Variants in CCDC146 observed in about 807,000 individuals in gnomAD.
CCDC146 encodes coiled-coil domain containing 146, also known as coiled-coil domain-containing protein 146.
Under a neutral mutation model 119.3 loss-of-function variants are expected in CCDC146, and 92 were observed. The observed-to-expected ratio is 0.77, with a 90% CI of 0.65 to 0.92. CCDC146 has a LOEUF of 0.92. Among genes scored for constraint, CCDC146 ranks in the 40% least tolerant of loss-of-function variants. The probability of loss-of-function intolerance (pLI) is 0.00; values close to 1 mark genes in which losing one functional copy is unlikely to be tolerated. For synonymous variants in CCDC146, 372 were observed against 371.8 expected (o/e 1.00, Z -0.01); for missense variants, 1,000 against 1,103.0 (o/e 0.91, Z 1.32).
At chr7:77,139,291 T>C (rs893897116) in intron 1 of CCDC146, among the ~76,000 whole-genome samples, 1 of 152,194 alleles carries the variant, frequency 6.6e-6, no homozygotes, top group Non-Finnish European at 1.5e-5. Flanking sequence ...TTCAGCTATA[T>C]GACATTCTGG....
chr7:77,145,511 G>T (rs915282830), intron 1 of CCDC146, among the ~76,000 whole-genome samples: 8 of 150,856 alleles, frequency 5.3e-5, no homozygotes, highest in Non-Finnish European at 1.0e-4. Flanking sequence ...TGTGATGTTA[G>T]GGTGTCAGTT....
chr7:77,194,421 ATC>A (rs1042548592), intron 2 of CCDC146: 1 of 152,064 alleles, frequency 6.6e-6, no homozygotes, highest in African/African-American at 2.4e-5. Flanking sequence ...AGCTTTTGAA[ATC>A]TACAATATTT....
In CCDC146 at chr7:77,278,772, T is replaced by C. The variant is rs1489063980; in HGVS notation, c.1461T>C (p.Val487=). The C allele has an allele frequency of 6.2e-7, 1 of 1,611,478 alleles. No homozygotes were observed. The highest frequency in any genetic ancestry group is 8.5e-7 in the Non-Finnish European group (1 of 1,178,840). ...TTCAGCAAAAATACACCAACATTGT[T>C]AAAGAAATGAAAGCAAAGGATCTTG... The part of the protein sequence containing the change: ...LKAQQKYTNI[V]KEMKAKDLEI... The change falls in exon 12 of 19, where the codon GTT becomes GTC. Residue 487 remains valine (V), a synonymous_variant. Coordinates refer to ENST00000285871, the MANE Select transcript of CCDC146 (RefSeq NM_020879.3).
intron 2 of CCDC146, among the ~76,000 whole-genome samples, chr7:77,232,494 ATC>A (rs1423870608): frequency 6.6e-6 from 1 of 152,192 alleles, no homozygotes; most frequent in Non-Finnish European, 1.5e-5. Context: ...CCCTTATGAT[ATC>A]TGTTTTTCTA....
chr7:77,293,189 G>A lies in CCDC146; in HGVS notation c.2653G>A (p.Glu885Lys). 1 of 1,613,872 alleles carries A rather than the reference G, an allele frequency of 6.2e-7. No homozygotes were observed. Among genetic ancestry groups the A allele is most frequent in the Non-Finnish European group, 8.5e-7 (1 of 1,179,988 alleles). Residue 885 changes from glutamate (E) to lysine (K), a missense_variant, in exon 18 of 19, where the codon GAA becomes AAA. Coordinates refer to ENST00000285871, the MANE Select transcript of CCDC146 (RefSeq NM_020879.3). ...AGAAATGCACGCCTTGGCCATCGCT[G>A]AAAAGTCTCAGGTAGGCTTTGGCTC... The part of the protein sequence containing the change: ...DEEMHALAIA[E>K]KSQEFLEADN...
intron 1 of CCDC146, among the ~76,000 whole-genome samples, chr7:77,128,770 GA>G (rs1211357360): frequency 6.6e-6 from 1 of 152,116 alleles, no homozygotes; most frequent in East Asian, 1.9e-4. Flanking sequence ...AGAGGAACTG[GA>G]AAGAGAGTGT....
At chr7:77,210,060 T>G (rs551119480) in intron 2 of CCDC146, among the ~76,000 whole-genome samples, 2 of 152,332 alleles carry the variant, frequency 1.3e-5, no homozygotes, top group African/African-American at 4.8e-5. Flanking sequence ...TCAGCTCCTC[T>G]TATGCAAATT....
chr7:77,124,958 T>C (rs192174644), intron 1 of CCDC146, among the ~76,000 whole-genome samples: 1 of 151,252 alleles, frequency 6.6e-6, no homozygotes, highest in East Asian at 1.9e-4. Context: ...TTTGGGAGGC[T>C]GAGACAGGTG....
chr7:77,240,972 G>T (rs369807944), intron 3 of CCDC146, among the ~76,000 whole-genome samples: 25 of 108,608 alleles, frequency 2.3e-4, no homozygotes, highest in South Asian at 1.2e-3. Flanking sequence ...GACATTTTTT[G>T]TTTTTTTTTG....
intron 2 of CCDC146, among the ~76,000 whole-genome samples, chr7:77,201,390 A>C (rs1791985164): frequency 6.9e-6 from 1 of 145,920 alleles, no homozygotes; most frequent in African/African-American, 2.6e-5. Context: ...AAAAATACAA[A>C]AAAAAAAAAA....
intron 2 of CCDC146, among the ~76,000 whole-genome samples, chr7:77,174,602 C>T (rs534279620): frequency 1.8e-4 from 28 of 152,242 alleles, no homozygotes; most frequent in Middle Eastern, 3.4e-3. Context: ...ACCATGGCAA[C>T]AGTAAACTAA....
At position 77,199,447 on chromosome 7, in the gene CCDC146, A is replaced by C. The variant is rs1791940954; in HGVS notation, c.156+31623A>C. On this transcript the variant is annotated intron_variant, in intron 2 of 18. Transcript: ENST00000285871. ...CTCTCCCGGGGCTCCTGTACTGGGTAACAACAGTCCGTTTCTGCCTGGGTC... is the reference window on the plus strand; with the variant it reads ...CTCTCCCGGGGCTCCTGTACTGGGTCACAACAGTCCGTTTCTGCCTGGGTC... 12 of 1,614,150 alleles carry C rather than the reference A, an allele frequency of 7.4e-6. No individual in the cohort carries two copies. In the East Asian group the frequency reaches 2.7e-4, roughly 36 times the overall value.
rs541790508 is a variant in CCDC146 at position 77,233,299 on chromosome 7, C to T, written c.157-3648C>T. On this transcript the variant is annotated intron_variant, in intron 2 of 18. Transcript: ENST00000285871. ...TAGAGATGGGGTTTCATCATGTTGG[C>T]CAGGCTGGTCTCAAACTCCCGACCT... 2.0e-5 allele frequency among the ~76,000 whole-genome samples: 3 copies of T among 152,020 alleles called. No individual in the cohort carries two copies. The East Asian group carries it at 5.8e-4, about 29-fold the overall frequency.
chr7:77,273,890 A>T, intron 10 of CCDC146, 101 bp downstream of exon 10: 1 of 663,306 alleles, frequency 1.5e-6, no homozygotes, highest in Non-Finnish European at 2.6e-6. Context: ...GAGAGTCATC[A>T]AAGAGAGTAT....
chr7:77,287,345 T>TG, intron 16 of CCDC146, 95 bp from the exon 17 acceptor site: 5 of 1,293,106 alleles, frequency 3.9e-6, no homozygotes, highest in East Asian at 2.3e-5. Context: ...AGGTATTTTG[T>TG]GGGGGGTAGG....
intron 2 of CCDC146, among the ~76,000 whole-genome samples, chr7:77,200,543 T>A (rs1791968340): frequency 6.6e-6 from 1 of 152,236 alleles, no homozygotes; most frequent in South Asian, 2.1e-4. Context: ...TTTTGGTAAT[T>A]GTACTGTCAT....
At chr7:77,182,984 T>A (rs1201516246) in intron 2 of CCDC146, among the ~76,000 whole-genome samples, 1 of 151,966 alleles carries the variant, frequency 6.6e-6, no homozygotes, top group Non-Finnish European at 1.5e-5. Flanking sequence ...GCCTTCTCCC[T>A]CCAACCTAAA....
chr7:77,142,364 G>C (rs538214894), intron 1 of CCDC146, among the ~76,000 whole-genome samples: 2 of 150,752 alleles, frequency 1.3e-5, no homozygotes, highest in South Asian at 2.1e-4. Flanking sequence ...AAGTTCTAGG[G>C]TACATGTGCA....
At chr7:77,294,467 T>TGTGG (rs1794008620) in intron 18 of CCDC146, among the ~76,000 whole-genome samples, 196 bp from the exon 19 acceptor site, 1 of 98,322 alleles carries the variant, frequency 1.0e-5, no homozygotes, top group African/African-American at 3.8e-5. Flanking sequence ...GAGGTAGGTG[T>TGTGG]GTGTGTGTGT....
Sources: gnomAD v4.1 joint callset for allele counts (sites outside exome capture counted in the v4.1 genomes callset) on GRCh38, gnomAD v4.1.1 for gene constraint, MANE v1.5 for transcripts, NCBI Gene and HGNC (gene_info 2026-07-23, HGNC 2026-07-21) for gene names.